TMEM266: variants seen among roughly 807,000 people sequenced by gnomAD.
The protein encoded by TMEM266 is transmembrane protein 266.
In TMEM266, 33 loss-of-function variants were observed where a neutral mutation model predicts 50.5. That is an observed-to-expected ratio of 0.65 (90% CI 0.50 to 0.87). The LOEUF (loss-of-function observed/expected upper bound fraction) is 0.87. Ranked by LOEUF, TMEM266 falls within the 40% of genes least tolerant of loss-of-function variation. TMEM266 has a pLI of 0.00. For synonymous variants in TMEM266, 310 were observed against 292.3 expected (o/e 1.06, Z -0.62); for missense variants, 655 against 695.1 (o/e 0.94, Z 0.65).
intron 1 of TMEM266, among the ~76,000 whole-genome samples, chr15:76,110,989 G>A (rs1160850613): frequency 6.6e-6 from 1 of 152,186 alleles, no homozygotes; most frequent in Non-Finnish European, 1.5e-5. Flanking sequence ...AACACCAGAT[G>A]CTGGTGAGGA....
rs2038789845 is a variant in TMEM266 at position 76,203,840 on chromosome 15, C to T, written c.1121C>T (p.Pro374Leu). The change falls in exon 11 of 11, where the codon CCC becomes CTC. Residue 374 changes from proline (P) to leucine (L), a missense_variant. Pro to Leu is a moderately conservative substitution (Grantham distance 98). This residue lies in a region of TMEM266 where 455 missense variants were observed against 401.8 expected (regional missense o/e 1.13). Coordinates refer to ENST00000388942, the MANE Select transcript of TMEM266 (RefSeq NM_152335.3). ...TCGGACCTCTTCTCTCTGGACATGC[C>T]CCTCAAACTCGGCGGTAATGGCACC... 1 of 1,614,206 alleles carries T rather than the reference C, an allele frequency of 6.2e-7. No homozygotes were observed. Among genetic ancestry groups the T allele is most frequent in the East Asian group, 2.2e-5 (1 of 44,880 alleles).
At chr15:76,130,246 A>C (rs948701350) in intron 1 of TMEM266, among the ~76,000 whole-genome samples, 5 of 95,092 alleles carry the variant, frequency 5.3e-5, no homozygotes, top group African/African-American at 1.3e-4. Flanking sequence ...AAAAAAAAAA[A>C]AAAAAAAACC....
At chr15:76,132,561 C>G (rs1039839151) in intron 1 of TMEM266, among the ~76,000 whole-genome samples, 4 of 142,934 alleles carry the variant, frequency 2.8e-5, no homozygotes, top group African/African-American at 5.2e-5. Context: ...TTTGGGAGGC[C>G]GAGGCGGGCG....
chr15:76,143,768 G>A (rs569464562), intron 3 of TMEM266, among the ~76,000 whole-genome samples: 1 of 152,134 alleles, frequency 6.6e-6, no homozygotes, highest in East Asian at 1.9e-4. Context: ...TTCTGCCTTT[G>A]GCCATTTTCA....
intron 5 of TMEM266, among the ~76,000 whole-genome samples, chr15:76,167,596 G>T: frequency 6.6e-6 from 1 of 151,942 alleles, no homozygotes; most frequent in East Asian, 1.9e-4. Flanking sequence ...CCGCCTCCCA[G>T]GTTCAAGCAA....
At chr15:76,144,502 C>T (rs938926730) in intron 3 of TMEM266, among the ~76,000 whole-genome samples, 6 of 152,176 alleles carry the variant, frequency 3.9e-5, no homozygotes, top group Non-Finnish European at 8.8e-5. Context: ...AACCCAAAGC[C>T]CATGCCGTGT....
At chr15:76,083,080 C>T (rs1054636546) in intron 1 of TMEM266, among the ~76,000 whole-genome samples, 2 of 152,134 alleles carry the variant, frequency 1.3e-5, no homozygotes, top group South Asian at 2.1e-4. Flanking sequence ...GATCCACCCC[C>T]ATGACCCAAG....
intron 8 of TMEM266, among the ~76,000 whole-genome samples, chr15:76,182,815 A>G (rs2038436773): frequency 1.3e-5 from 2 of 152,274 alleles, no homozygotes; most frequent in East Asian, 3.9e-4. Context: ...CAGAGAGGCT[A>G]TTCTTTGGCC....
intron 1 of TMEM266, among the ~76,000 whole-genome samples, chr15:76,062,835 T>C (rs896869614): frequency 2.6e-5 from 4 of 152,228 alleles, no homozygotes; most frequent in Non-Finnish European, 4.4e-5. Flanking sequence ...TATGGGAAAC[T>C]ATTAATGCTT....
chr15:76,149,056 G>T (rs200221167), intron 3 of TMEM266, among the ~76,000 whole-genome samples: 442 of 152,246 alleles, frequency 2.9e-3, no homozygotes, highest in African/African-American at 0.01. Context: ...GCTGTGGCTT[G>T]CCCCCTGGAA....
intron 3 of TMEM266, 143 bp from the exon 4 acceptor site, chr15:76,156,459 TTG>T: frequency 5.3e-6 from 4 of 757,164 alleles, no homozygotes; most frequent in African/African-American, 1.8e-5. Flanking sequence ...TTGAATGAGG[TTG>T]TGTTTCGCCA....
At chr15:76,143,246 C>A (rs1445639378) in intron 3 of TMEM266, among the ~76,000 whole-genome samples, 1 of 152,212 alleles carries the variant, frequency 6.6e-6, no homozygotes, top group Non-Finnish European at 1.5e-5. Flanking sequence ...TCCCTGCTAG[C>A]CACCATTACC....
At chr15:76,084,059 A>C (rs1471546682) in intron 1 of TMEM266, among the ~76,000 whole-genome samples, 1 of 152,136 alleles carries the variant, frequency 6.6e-6, no homozygotes, top group African/African-American at 2.4e-5. Flanking sequence ...CAGGAATGAC[A>C]CCAAAGTGTT....
intron 1 of TMEM266, among the ~76,000 whole-genome samples, chr15:76,124,183 G>C (rs1290683084): frequency 6.6e-6 from 1 of 152,182 alleles, no homozygotes; most frequent in African/African-American, 2.4e-5. Context: ...AAAGATCAAA[G>C]CCTTGTAAAG....
chr15:76,171,948 G>T (rs1436833481), intron 7 of TMEM266, among the ~76,000 whole-genome samples: 1 of 152,160 alleles, frequency 6.6e-6, no homozygotes, highest in Admixed American at 6.5e-5. Context: ...AGAGGATGAC[G>T]ACAGAGGCAG....
intron 1 of TMEM266, among the ~76,000 whole-genome samples, chr15:76,077,715 A>G (rs2036625827): frequency 6.6e-6 from 1 of 152,008 alleles, no homozygotes. Flanking sequence ...TCCTGGAGTG[A>G]CCAGAAGCTG....
Position 76,161,720 on chromosome 15 carries a change from C to G in TMEM266, c.456+1552C>G, listed in dbSNP as rs1179748130. Among the ~76,000 whole-genome samples, 1 of 152,172 alleles carries G rather than the reference C, an allele frequency of 6.6e-6. No homozygotes were observed. Among genetic ancestry groups the G allele is most frequent in the Non-Finnish European group, 1.5e-5 (1 of 68,012 alleles). ...CCTAACCACCTCCCTGAGACCATTG[C>G]CCTGGAGGTGCCTCTGCCCCGCAGA... is the stretch of plus-strand genomic sequence containing the variant. On this transcript the variant is annotated intron_variant, in intron 5 of 10. Coordinates refer to ENST00000388942, the MANE Select transcript of TMEM266 (RefSeq NM_152335.3). This position sits in a 1 kb window ranked among gnomAD's most constrained non-coding sequence, Gnocchi z 4.1.
chr15:76,198,535 G>T (rs951858976), intron 9 of TMEM266, among the ~76,000 whole-genome samples: 1 of 152,220 alleles, frequency 6.6e-6, no homozygotes, highest in Non-Finnish European at 1.5e-5. Flanking sequence ...ACCAGGGTGG[G>T]CAGTGAGACT....
intron 3 of TMEM266, among the ~76,000 whole-genome samples, chr15:76,143,411 T>C (rs927772290): frequency 1.3e-5 from 2 of 152,234 alleles, no homozygotes; most frequent in Non-Finnish European, 2.9e-5. Flanking sequence ...ACTTCCTTGT[T>C]GCTACAATCC....
Sources: allele counts gnomAD v4.1 joint callset (sites outside exome capture counted in the v4.1 genomes callset), GRCh38; gene constraint gnomAD v4.1.1; regional missense constraint gnomAD v4.1.1; non-coding constraint Gnocchi (gnomAD v3.1); transcripts MANE v1.5; gene names NCBI Gene and HGNC (gene_info 2026-07-23, HGNC 2026-07-21).